ZNF587B: variants seen among roughly 807,000 people sequenced by gnomAD.
ZNF587B encodes the protein zinc finger protein 587B.
ZNF587B carries 6 observed loss-of-function variants against 7.2 expected under a neutral mutation model. The observed-to-expected ratio is 0.83, with a 90% confidence interval of 0.46 to 1.65. The LOEUF is 1.65. ZNF587B is among the 40% of genes most tolerant of loss of function. The pLI is 0.01. For missense variants in ZNF587B, 749 were observed against 761.0 expected (o/e 0.98, Z 0.19); for synonymous variants, 274 against 254.3 (o/e 1.08, Z -0.74).
chr19:57,841,731 C>G lies in ZNF587B; in HGVS notation c.1057C>G (p.Pro353Ala). The change falls in exon 3 of 3, where the codon CCT becomes GCT. Residue 353 changes from proline to alanine, a missense_variant. Pro to Ala is a conservative substitution (Grantham distance 27). Around this residue, in one of 3 missense-constraint regions of ZNF587B, gnomAD observed 656 missense variants for 596.5 expected, o/e 1.10. Transcript: ENST00000594901. ...SHQRIHTGERPYKCGECEKSF... is the reference protein window; with the variant it reads ...SHQRIHTGERAYKCGECEKSF... ...TCAGCGCATTCACACTGGAGAGAGA[C>G]CTTACAAGTGTGGAGAATGTGAGAA... The G allele has an allele frequency of 6.2e-7, 1 of 1,608,328 alleles. No individual in the cohort carries two copies. The highest frequency in any genetic ancestry group is 1.7e-5 in the Admixed American group (1 of 59,004).
intron 1 of ZNF587B, among the ~76,000 whole-genome samples, chr19:57,838,345 G>A (rs1247937932): frequency 2.0e-5 from 3 of 152,014 alleles, no homozygotes; most frequent in African/African-American, 7.3e-5. Context: ...GCTCAAGCCT[G>A]TAATCCCAGT....
intron 1 of ZNF587B, among the ~76,000 whole-genome samples, chr19:57,831,907 T>C (rs2889006): frequency 0.27 from 40,186 of 151,390 alleles, 5,751 homozygotes; most frequent in East Asian, 0.45. Flanking sequence ...GGTTTCGCCA[T>C]GTTGCCTAGC....
rs771371494 is a variant in ZNF587B at position 57,843,600 on chromosome 19, GTTTTTTTTTTTT to G, written c.*1033_*1044del. 4 of 648,846 alleles carry G rather than the reference GTTTTTTTTTTTT, an allele frequency of 6.2e-6. No individual in the cohort carries two copies. In the African/African-American group the frequency reaches 1.6e-4, roughly 25 times the overall value. 40.2% of individuals were successfully genotyped at this position (648,846 alleles called of 1,614,324 possible). ...GTTGGTTGGTTGGTTGTTTTTTTTTGTTTTTTTTTTTTTTTTTTTTGGAGACAAAGTTTCACT... is the reference window on the plus strand; with the variant it reads ...GTTGGTTGGTTGGTTGTTTTTTTTTGTTTTTTTTGGAGACAAAGTTTCACT... On this transcript the variant is annotated 3_prime_UTR_variant, in exon 3 of 3. Coordinates refer to ENST00000594901, the MANE Select transcript of ZNF587B (RefSeq NM_001376223.1).
chr19:57,840,710 A>C, intron 2 of ZNF587B, 128 bp from the exon 3 acceptor site: 1 of 1,586,792 alleles, frequency 6.3e-7, no homozygotes, highest in Non-Finnish European at 8.6e-7. Context: ...CTTCCATCTG[A>C]AGCCAACATC....
Position 57,846,100 on chromosome 19 carries a change from C to T in ZNF587B, c.*3524C>T, listed in dbSNP as rs1357124772. ...CATAATGAATTTATCTAATCTATCA[C>T]CTTTGTATTTACTTGGAGCCTTTAT... On this transcript the variant is annotated 3_prime_UTR_variant, in exon 3 of 3. Coordinates refer to ENST00000594901, the MANE Select transcript of ZNF587B (RefSeq NM_001376223.1). The T allele has an allele frequency of 1.3e-5, 2 of 152,140 alleles. No homozygotes were observed. The highest frequency in any genetic ancestry group is 2.9e-5 in the Non-Finnish European group (2 of 68,034). The allele number at this position is 152,140 out of a possible 1,614,324, so 9.4% of individuals were successfully genotyped here. A position where few individuals can be genotyped will look rare whatever the true frequency, so the allele number is the denominator to read the frequency against.
rs570834348 is a variant in ZNF587B, at chr19:57,832,108, A to G, written c.36+1544A>G. ...CTTTTTCTTTTTGTTTTTTTTTGAG[A>G]CAGAGTCTCGCTCTATCGCCCAGAC... On this transcript the variant is annotated intron_variant, in intron 1 of 2. Transcript: ENST00000594901. Among the ~76,000 whole-genome samples, 5 of 151,056 alleles carry G rather than the reference A, an allele frequency of 3.3e-5. No individual in the cohort carries two copies. The South Asian group carries it at 1.0e-3, about 31-fold the overall frequency.
In ZNF587B at chr19:57,845,702, A is replaced by T. The variant is rs1426764246; in HGVS notation, c.*3126A>T. 2.0e-5 allele frequency: 3 copies of T among 152,194 alleles called. No homozygotes were observed. The highest frequency in any genetic ancestry group is 4.4e-5 in the Non-Finnish European group (3 of 68,042). 9.4% of individuals were successfully genotyped at this position (152,194 alleles called of 1,614,324 possible). ...TGGCAAATCTGTATTTTTCTCTTAA[A>T]CCGTGTTATAAAAGCTGTAATAAGG... On this transcript the variant is annotated 3_prime_UTR_variant, in exon 3 of 3. Transcript: ENST00000594901.
intron 2 of ZNF587B, 147 bp downstream of exon 2, chr19:57,839,296 T>C: frequency 7.6e-7 from 1 of 1,310,702 alleles, no homozygotes; most frequent in Non-Finnish European, 1.0e-6. Flanking sequence ...AGGACTGAGG[T>C]GTACATACTG....
At chr19:57,832,824 A>C (rs1427533615) in intron 1 of ZNF587B, among the ~76,000 whole-genome samples, 1 of 152,264 alleles carries the variant, frequency 6.6e-6, no homozygotes, top group Non-Finnish European at 1.5e-5. Flanking sequence ...TGTGGTCTTG[A>C]ATAAGATCTG....
intron 1 of ZNF587B, among the ~76,000 whole-genome samples, chr19:57,836,856 G>A (rs1326001615): frequency 6.6e-6 from 1 of 151,294 alleles, no homozygotes; most frequent in African/African-American, 2.4e-5. Context: ...CCCAGCTACT[G>A]AGGAGCTGAG....
In ZNF587B at chr19:57,843,587, G is replaced by GTTTTTTTTTTTTTTTTTTTTTTTTTTTT. The variant is rs1324065807; in HGVS notation, c.*1013_*1014insTTTTTTTTTTTTTTTTTTTTTTTTTTTT. 5.7e-5 allele frequency: 42 copies of GTTTTTTTTTTTTTTTTTTTTTTTTTTTT among 738,184 alleles called. 5 individuals are homozygous for GTTTTTTTTTTTTTTTTTTTTTTTTTTTT. Among genetic ancestry groups the GTTTTTTTTTTTTTTTTTTTTTTTTTTTT allele is most frequent in the East Asian group, 4.8e-4 (3 of 6,302 alleles). 45.7% of individuals were successfully genotyped at this position (738,184 alleles called of 1,614,324 possible). A position where few individuals can be genotyped will look rare whatever the true frequency, so the allele number is the denominator to read the frequency against. On this transcript the variant is annotated 3_prime_UTR_variant, in exon 3 of 3. Transcript: ENST00000594901. ...GTTTGGTTGGTTGGTTGGTTGGTTG[G>GTTTTTTTTTTTTTTTTTTTTTTTTTTTT]TTGTTTTTTTTTGTTTTTTTTTTTT...
rs548532534 is a variant in ZNF587B at position 57,837,168 on chromosome 19, C to T, written c.37-1855C>T. Among the ~76,000 whole-genome samples, 14 of 152,158 alleles carry T rather than the reference C, an allele frequency of 9.2e-5. 1 individual carries two copies. The East Asian group carries it at 2.1e-3, about 23-fold the overall frequency. Reference sequence around the variant, plus strand: ...TCTTACAAAGCTTGCATGCCATGGCCGTGGTTGCTCTCTTTTATCCACAAT... The same window carrying T: ...TCTTACAAAGCTTGCATGCCATGGCTGTGGTTGCTCTCTTTTATCCACAAT... On this transcript the variant is annotated intron_variant, in intron 1 of 2. Coordinates refer to ENST00000594901, the MANE Select transcript of ZNF587B (RefSeq NM_001376223.1).
rs948120206 is a variant in ZNF587B, at chr19:57,844,118, ACTT to A, written c.*1546_*1548del. On this transcript the variant is annotated 3_prime_UTR_variant, in exon 3 of 3. Coordinates refer to ENST00000594901, the MANE Select transcript of ZNF587B (RefSeq NM_001376223.1). ...GAAGGATTTGTTGAGTAGCCTCAGC[ACTT>A]CTTGCTTTTTCATTTCTTTCTGATA... The A allele has an allele frequency of 3.1e-5, 9 of 285,836 alleles. No homozygotes were observed. The highest frequency in any genetic ancestry group is 5.6e-5 in the Non-Finnish European group (8 of 143,806). The allele number at this position is 285,836 out of a possible 1,614,324, so 17.7% of individuals were successfully genotyped here. A position where few individuals can be genotyped will look rare whatever the true frequency, so the allele number is the denominator to read the frequency against.
Position 57,842,685 on chromosome 19 carries a change from C to T in ZNF587B, c.*109C>T, listed in dbSNP as rs1988906769. On this transcript the variant is annotated 3_prime_UTR_variant, in exon 3 of 3. Transcript: ENST00000594901. ...TGTTTACCCAAAAGAAGTCTGCTCT[C>T]CTTGGACATTGGAGAGTTCACACCA... 1 of 1,341,242 alleles carries T rather than the reference C, an allele frequency of 7.5e-7. No individual in the cohort carries two copies. Among genetic ancestry groups the T allele is most frequent in the East Asian group, 2.7e-5 (1 of 36,876 alleles). 83.1% of individuals were successfully genotyped at this position (1,341,242 alleles called of 1,614,324 possible).
rs766763733 is a variant in ZNF587B at position 57,841,355 on chromosome 19, T to C, written c.681T>C (p.His227=). The stretch of plus-strand genomic sequence containing the variant: ...CCATGAAACATTTTAGCACCAAACA[T>C]ATACTCAGTCAGCACCAGAGACTTC... The part of the protein sequence containing the change: ...GDSMKHFSTK[H]ILSQHQRLLP... Residue 227 remains histidine, a synonymous_variant, in exon 3 of 3, where the codon CAT becomes CAC. Coordinates refer to ENST00000594901, the MANE Select transcript of ZNF587B (RefSeq NM_001376223.1). 1 of 1,599,994 alleles carries C rather than the reference T, an allele frequency of 6.3e-7. No individual in the cohort carries two copies. The highest frequency in any genetic ancestry group is 2.2e-5 in the East Asian group (1 of 44,504).
At position 57,841,644 on chromosome 19, in the gene ZNF587B, G is replaced by C; in HGVS notation, c.970G>C (p.Gly324Arg). 6.2e-7 allele frequency: 1 copy of C among 1,600,510 alleles called. No individual in the cohort carries two copies. The highest frequency in any genetic ancestry group is 8.5e-7 in the Non-Finnish European group (1 of 1,173,506). The change falls in exon 3 of 3, where the codon GGG (glycine) becomes CGG (arginine). Residue 324 changes from glycine to arginine, a missense_variant. Gly to Arg is a moderately radical substitution (Grantham distance 125). This residue lies in a region of ZNF587B where 656 missense variants were observed against 596.5 expected (regional missense o/e 1.10). Transcript: ENST00000594901. ...RRHQKVHAGK[G>R]PYECGECGKS... ...CCATCAAAAAGTTCACGCTGGAAAAGGGCCTTATGAGTGTGGAGAATGTGG... is the reference window on the plus strand; with the variant it reads ...CCATCAAAAAGTTCACGCTGGAAAACGGCCTTATGAGTGTGGAGAATGTGG...
chr19:57,841,512 A>T lies in ZNF587B; in HGVS notation c.838A>T (p.Ser280Cys), dbSNP rs1342791384. The change falls in exon 3 of 3, where the codon AGT (serine) becomes TGT (cysteine). Residue 280 changes from serine to cysteine, a missense_variant. Coordinates refer to ENST00000594901, the MANE Select transcript of ZNF587B (RefSeq NM_001376223.1). ...YECGECEKSF[S>C]QKSSLIQHQQ... is the part of the protein sequence containing the mutation. ...ATGTGGAGAATGTGAGAAATCTTTT[A>T]GTCAAAAGAGCAGCCTCATTCAACA... is the stretch of plus-strand genomic sequence containing the variant. 6.9e-6 allele frequency: 11 copies of T among 1,584,810 alleles called. No homozygotes were observed. Among genetic ancestry groups the T allele is most frequent in the Non-Finnish European group, 8.6e-6 (10 of 1,164,848 alleles).
rs558871849 is a variant in ZNF587B, at chr19:57,830,533, C to T, written c.5C>T (p.Ala2Val). Residue 2 changes from alanine (A) to valine (V), a missense_variant, in exon 1 of 3, where the codon GCG (alanine) becomes GTG (valine). Transcript: ENST00000594901. The part of the protein sequence containing the change: M[A>V]VVATLRLSAQ... ...TGCTTTAAACCACGTGGTTCGATGG[C>T]GGTGGTGGCCACGCTGAGGCTCTCT... The T allele has an allele frequency of 2.0e-5, 31 of 1,549,478 alleles. No homozygotes were observed. The Admixed American group carries it at 4.1e-4, about 21-fold the overall frequency.
At chr19:57,836,727 G>A (rs1249422767) in intron 1 of ZNF587B, among the ~76,000 whole-genome samples, 1 of 152,054 alleles carries the variant, frequency 6.6e-6, no homozygotes, top group African/African-American at 2.4e-5. Context: ...ACTTTAGGAG[G>A]CCGAGATGGG....
Sources: gnomAD v4.1 joint callset for allele counts (sites outside exome capture counted in the v4.1 genomes callset) on GRCh38, gnomAD v4.1.1 for gene constraint, gnomAD v4.1.1 regional missense constraint, MANE v1.5 for transcripts, NCBI Gene and HGNC (gene_info 2026-07-23, HGNC 2026-07-21) for gene names.